Variants in TAF1A observed in about 807,000 individuals in gnomAD.
The protein encoded by TAF1A is TATA-box binding protein associated factor, RNA polymerase I subunit A.
In TAF1A, 42 loss-of-function variants were observed where a neutral mutation model predicts 61.6. That is an observed-to-expected ratio of 0.68 (90% CI 0.53 to 0.88). TAF1A has a LOEUF of 0.88. TAF1A is among the 40% of genes least tolerant of loss of function. TAF1A has a pLI of 0.00. For missense variants in TAF1A, 424 were observed against 518.7 expected (o/e 0.82, Z 1.77); for synonymous variants, 179 against 177.7 (o/e 1.01, Z -0.06).
chr1:222,567,291 G>T (rs1660155779), intron 7 of TAF1A, among the ~76,000 whole-genome samples: 1 of 150,246 alleles, frequency 6.7e-6, no homozygotes, highest in South Asian at 2.2e-4. Flanking sequence ...TTCAGGGGCT[G>T]GGAGGAGCAG....
At chr1:222,588,417 T>C (rs202115553) in intron 2 of TAF1A, 26 bp downstream of exon 2, 1 of 1,605,152 alleles carries the variant, frequency 6.2e-7, no homozygotes, top group Non-Finnish European at 8.5e-7. Flanking sequence ...AAAGTTAAAA[T>C]GGCTCAATGT....
At chr1:222,573,514 A>G (rs576810609) in intron 5 of TAF1A, among the ~76,000 whole-genome samples, 1 of 152,340 alleles carries the variant, frequency 6.6e-6, no homozygotes, top group South Asian at 2.1e-4. Flanking sequence ...GCTCAACATC[A>G]TTAACACCCA....
chr1:222,563,665 G>C (rs1300608472), intron 8 of TAF1A, among the ~76,000 whole-genome samples: 1 of 152,218 alleles, frequency 6.6e-6, no homozygotes, highest in East Asian at 1.9e-4. Flanking sequence ...GGCTTAGCCA[G>C]CTGATTTTCT....
chr1:222,579,919 C>A (rs1220583966), intron 3 of TAF1A, 47 bp from the exon 4 acceptor site: 1 of 1,576,736 alleles, frequency 6.3e-7, no homozygotes, highest in East Asian at 2.3e-5. Flanking sequence ...TTTGCCTTAA[C>A]CAATTTCTGT....
chr1:222,565,453 T>C (rs1404439910), intron 7 of TAF1A, among the ~76,000 whole-genome samples: 1 of 152,266 alleles, frequency 6.6e-6, no homozygotes, highest in Non-Finnish European at 1.5e-5. Flanking sequence ...ATCCATCTTG[T>C]CTTGAATATA....
downstream of TAF1A, among the ~76,000 whole-genome samples, chr1:222,555,303 C>G (rs1343002035): frequency 6.6e-6 from 1 of 152,170 alleles, no homozygotes; most frequent in Non-Finnish European, 1.5e-5. Flanking sequence ...TATCTGCACT[C>G]CTATGTTCAT....
At chr1:222,586,991 T>A (rs929164215) in intron 2 of TAF1A, among the ~76,000 whole-genome samples, 3 of 152,236 alleles carry the variant, frequency 2.0e-5, no homozygotes, top group Non-Finnish European at 4.4e-5. Flanking sequence ...CTTAAACCTA[T>A]CTGCTTGCAG....
intron 2 of TAF1A, 73 bp from the exon 3 acceptor site, chr1:222,584,370 A>G: frequency 6.9e-7 from 1 of 1,442,958 alleles, no homozygotes; most frequent in Non-Finnish European, 9.2e-7. Context: ...CTTACTTCTG[A>G]TAAGAAGTTT....
chr1:222,565,025 A>G (rs1348992408), intron 7 of TAF1A, among the ~76,000 whole-genome samples: 1 of 152,228 alleles, frequency 6.6e-6, no homozygotes, highest in Non-Finnish European at 1.5e-5. Flanking sequence ...AGTGCATACA[A>G]ATCATGACAC....
chr1:222,583,426 G>GAAA (rs71175170), intron 3 of TAF1A, among the ~76,000 whole-genome samples: 7 of 148,736 alleles, frequency 4.7e-5, no homozygotes, highest in Non-Finnish European at 7.4e-5. Context: ...TTGATAAAAC[G>GAAA]AAAAAAAAAA....
Position 222,573,645 on chromosome 1 carries a change from G to A in TAF1A, c.605-2980C>T, listed in dbSNP as rs560033011. ...GGAGAAATTTGTACCCTCATACACC[G>A]CTACTGGGGATGTAAAATAGTGCAA... On this transcript the variant is annotated intron_variant, in intron 5 of 10. Transcript: ENST00000352967. Among the ~76,000 whole-genome samples, 46 of 152,228 alleles carry A rather than the reference G, an allele frequency of 3.0e-4. 2 individuals carry two copies. In the South Asian group the frequency reaches 8.5e-3, roughly 28 times the overall value.
intron 3 of TAF1A, among the ~76,000 whole-genome samples, chr1:222,583,055 C>T (rs1265033786): frequency 6.6e-6 from 1 of 152,064 alleles, no homozygotes; most frequent in Non-Finnish European, 1.5e-5. Flanking sequence ...TGTGGTGGTG[C>T]ATGCCTGCAA....
intron 5 of TAF1A, among the ~76,000 whole-genome samples, chr1:222,577,192 A>G (rs1483435457): frequency 1.3e-5 from 2 of 149,120 alleles, no homozygotes; most frequent in Non-Finnish European, 3.0e-5. Flanking sequence ...GGCTGTGTTT[A>G]TCCTGGACTA....
chr1:222,570,369 G>C (rs1660300534), intron 6 of TAF1A, among the ~76,000 whole-genome samples, 166 bp downstream of exon 6: 1 of 152,028 alleles, frequency 6.6e-6, no homozygotes, highest in Admixed American at 6.6e-5. Context: ...GTTATACAGT[G>C]GTGAAAATAA....
At chr1:222,557,681 T>C (rs1161222800), downstream of TAF1A, among the ~76,000 whole-genome samples, 1 of 151,794 alleles carries the variant, frequency 6.6e-6, no homozygotes, top group Non-Finnish European at 1.5e-5. Context: ...GGTCTCAATC[T>C]CTTGACCTCA....
rs777577602 is a variant in TAF1A, at chr1:222,577,621, T to C, written c.428A>G (p.Tyr143Cys). The change falls in exon 5 of 11, where the codon TAC (tyrosine) becomes TGC (cysteine). Residue 143 changes from tyrosine to cysteine, a missense_variant. Coordinates refer to ENST00000352967, the MANE Select transcript of TAF1A (RefSeq NM_005681.4). ...YLKISLQHAL[Y>C]LLHHGMLKDA... ...TTTAAGCATTCCATGATGCAGAAGG[T>C]ATAATGCATGTTGTAAGGAGATCTG... The C allele has an allele frequency of 3.7e-6, 6 of 1,613,762 alleles. No individual in the cohort carries two copies. In the East Asian group the frequency reaches 6.7e-5, roughly 18 times the overall value.
intron 3 of TAF1A, among the ~76,000 whole-genome samples, chr1:222,580,787 G>A (rs74148137): frequency 0.14 from 20,502 of 148,816 alleles, 1,551 homozygotes; most frequent in South Asian, 0.19. Context: ...AAAAAAAAAA[G>A]AAAACTTTGA....
intron 7 of TAF1A, among the ~76,000 whole-genome samples, chr1:222,566,749 C>T (rs1660132568): frequency 6.6e-6 from 1 of 152,068 alleles, no homozygotes; most frequent in Admixed American, 6.5e-5. Flanking sequence ...AAACAGATAC[C>T]GGTCCATGAC....
At chr1:222,579,240 T>C (rs1315621644) in intron 4 of TAF1A, among the ~76,000 whole-genome samples, 1 of 152,226 alleles carries the variant, frequency 6.6e-6, no homozygotes, top group Non-Finnish European at 1.5e-5. Context: ...CAAACCTGTA[T>C]TGAAAAAGTG....
Sources: gnomAD v4.1 joint callset for allele counts (sites outside exome capture counted in the v4.1 genomes callset) on GRCh38, gnomAD v4.1.1 for gene constraint, MANE v1.5 for transcripts, NCBI Gene and HGNC (gene_info 2026-07-23, HGNC 2026-07-21) for gene names.